The following NDUFV3 variants were observed in gnomAD, a reference collection of about 807,000 sequenced individuals.
NDUFV3 encodes NADH dehydrogenase [ubiquinone] flavoprotein 3, mitochondrial.
NDUFV3 carries 44 observed loss-of-function variants against 37.5 expected under a neutral mutation model. The ratio of observed to expected loss-of-function variants is 1.17; its 90% CI spans 0.92 to 1.51. NDUFV3 has a LOEUF of 1.51. NDUFV3 is among the 40% of genes most tolerant of loss of function. The pLI, the probability that NDUFV3 is intolerant of heterozygous loss-of-function variation, is 0.00. For missense variants in NDUFV3, 580 were observed against 580.4 expected (o/e 1.00, Z 0.01); for synonymous variants, 235 against 239.3 (o/e 0.98, Z 0.17).
chr21:42,900,176 T>C (rs940148427), intron 2 of NDUFV3, among the ~76,000 whole-genome samples: 1 of 151,856 alleles, frequency 6.6e-6, no homozygotes, highest in African/African-American at 2.4e-5. Context: ...CACTCCATCC[T>C]GGGTGATAGA....
rs1219025267 is a variant in NDUFV3, at chr21:42,903,964, G to C, written c.952G>C (p.Ala318Pro). The change falls in exon 3 of 4, where the codon GCA becomes CCA. Residue 318 changes from alanine (A) to proline (P), a missense_variant. Ala to Pro is a conservative substitution (Grantham distance 27, BLOSUM62 -1). Transcript: ENST00000354250. ...TGCTGTGTTGGCAGAAGAGGCCAGA[G>C]CAGAGGGGCAGCTGCAAGCCAGTCC... ...APAVLAEEARAEGQLQASPPG... is the reference protein window; with the variant it reads ...APAVLAEEARPEGQLQASPPG... The C allele has an allele frequency of 6.2e-7, 1 of 1,614,028 alleles. No homozygotes were observed.
chr21:42,903,922 A>C lies in NDUFV3; in HGVS notation c.910A>C (p.Lys304Gln), dbSNP rs986548369. ...AAAATCAGGGTTGTCTGCGCCACCG[A>C]AGGGCAGCCCAGCGCCTGCTGTGTT... The part of the protein sequence containing the change: ...HTKSGLSAPP[K>Q]GSPAPAVLAE... The change falls in exon 3 of 4, where the codon AAG becomes CAG. Residue 304 changes from lysine to glutamine, a missense_variant. Lys to Gln is a moderately conservative substitution (Grantham distance 53). Transcript: ENST00000354250. The C allele has an allele frequency of 1.9e-5, 30 of 1,611,942 alleles. No individual in the cohort carries two copies. Among genetic ancestry groups the C allele is most frequent in the Non-Finnish European group, 2.4e-5 (28 of 1,178,910 alleles).
intron 3 of NDUFV3, chr21:42,906,757 T>G (rs1423785676): frequency 4.5e-6 from 2 of 447,504 alleles, no homozygotes; most frequent in Non-Finnish European, 9.0e-6. Flanking sequence ...GTAGAGTGGT[T>G]TTAGATCAGA....
chr21:42,909,136 CTTTTTTT>C lies in NDUFV3; in HGVS notation c.*132_*138del, dbSNP rs36011300. The C allele has an allele frequency of 3.9e-4, 171 of 434,950 alleles. No individual in the cohort carries two copies. Among genetic ancestry groups the C allele is most frequent in the Non-Finnish European group, 5.1e-4 (131 of 258,156 alleles). 26.9% of individuals were successfully genotyped at this position (434,950 alleles called of 1,614,324 possible). On this transcript the variant is annotated 3_prime_UTR_variant, in exon 4 of 4. Transcript: ENST00000354250. ...TGTGCATAATCGGTTTCACTTTTAC[CTTTTTTT>C]TTTTTTTTTTTTTTTTGAGACAGGG...
At position 42,903,454 on chromosome 21, in the gene NDUFV3, G is replaced by A; in HGVS notation, c.442G>A (p.Val148Met). 1.2e-6 allele frequency: 2 copies of A among 1,614,112 alleles called. No individual in the cohort carries two copies. Among genetic ancestry groups the A allele is most frequent in the Non-Finnish European group, 1.7e-6 (2 of 1,179,950 alleles). Residue 148 changes from valine (V) to methionine (M), a missense_variant, in exon 3 of 4, where the codon GTG becomes ATG. Val to Met is a conservative substitution (Grantham distance 21). Coordinates refer to ENST00000354250, the MANE Select transcript of NDUFV3 (RefSeq NM_021075.4). The stretch of plus-strand genomic sequence containing the variant: ...AGAAGCTCGTCAGGTGGGTCGGAAA[G>A]TGACGTCGCCTTCGTCTTCATCCTC... ...DSEARQVGRKVTSPSSSSSSS... is the reference protein window; with the variant it reads ...DSEARQVGRKMTSPSSSSSSS...
rs147875257 is a variant in NDUFV3 at position 42,906,533 on chromosome 21, G to A, written c.1264+2257G>A. 9.9e-5 allele frequency among the ~76,000 whole-genome samples: 15 copies of A among 152,278 alleles called. No individual in the cohort carries two copies. The East Asian group carries it at 1.9e-3, about 20-fold the overall frequency. On this transcript the variant is annotated intron_variant, in intron 3 of 3. Transcript: ENST00000354250. ...GCTGCTGCTTTCACTCCTCCTGCTC[G>A]AAAATGGAGACGAATAACACAACTC...
intron 2 of NDUFV3, among the ~76,000 whole-genome samples, chr21:42,897,737 C>T (rs371683762): frequency 6.6e-5 from 10 of 151,106 alleles, no homozygotes; most frequent in East Asian, 2.0e-4. Context: ...AGTGCAGTGG[C>T]GCAATCTCGG....
At chr21:42,904,343 T>G (rs2058732561) in intron 3 of NDUFV3, 67 bp downstream of exon 3, 7 of 1,544,068 alleles carry the variant, frequency 4.5e-6, no homozygotes. Flanking sequence ...AGAACTAATT[T>G]ACATATGCTT....
rs2058695956 is a variant in NDUFV3, at chr21:42,897,127, A to G, written c.169+80A>G. ...AGTCAGCCTTCGAAGCACGACAGTG[A>G]GTTTTACTAGCTACGTAATTTATGC... On this transcript the variant is annotated intron_variant, in intron 2 of 3. Coordinates refer to ENST00000354250, the MANE Select transcript of NDUFV3 (RefSeq NM_021075.4). 4.0e-6 allele frequency: 6 copies of G among 1,493,878 alleles called. No individual in the cohort carries two copies. In the East Asian group the frequency reaches 1.2e-4, roughly 30 times the overall value. The allele number at this position is 1,493,878 out of a possible 1,614,324, so 92.5% of individuals were successfully genotyped here. A position where few individuals can be genotyped will look rare whatever the true frequency, so the allele number is the denominator to read the frequency against.
intron 3 of NDUFV3, among the ~76,000 whole-genome samples, chr21:42,904,760 A>C (rs2146162203): frequency 6.6e-6 from 1 of 151,598 alleles, no homozygotes; most frequent in South Asian, 2.1e-4. Flanking sequence ...TGCTGGGATT[A>C]CAGGCATGAG....
rs1201554767 is a variant in NDUFV3 at position 42,903,787 on chromosome 21, T to C, written c.775T>C (p.Leu259=). Residue 259 remains leucine, a synonymous_variant, in exon 3 of 4, where the codon TTG becomes CTG. Transcript: ENST00000354250. ...CAGATCTCAAGTAGATGAAGAGTTTTTGAAGCAAAGTTTAAAGGAAAAACA... is the reference window on the plus strand; with the variant it reads ...CAGATCTCAAGTAGATGAAGAGTTTCTGAAGCAAAGTTTAAAGGAAAAACA... ...MPRSQVDEEF[L]KQSLKEKQLQ... is the part of the protein sequence containing the mutation. 5 of 1,614,186 alleles carry C rather than the reference T, an allele frequency of 3.1e-6. No individual in the cohort carries two copies. Among genetic ancestry groups the C allele is most frequent in the Admixed American group, 1.7e-5 (1 of 60,014 alleles).
rs1014136789 is a variant in NDUFV3 at position 42,911,496 on chromosome 21, G to A, written c.*2475G>A. ...GAGACAGCCTCACTCTTGCCCGGAG[G>A]AGTGGTGCGATCTCAGCTCACTGCA... On this transcript the variant is annotated 3_prime_UTR_variant, in exon 4 of 4. Coordinates refer to ENST00000354250, the MANE Select transcript of NDUFV3 (RefSeq NM_021075.4). The A allele has an allele frequency of 2.9e-5, 4 of 136,724 alleles. No individual in the cohort carries two copies. Among genetic ancestry groups the A allele is most frequent in the Admixed American group, 7.8e-5 (1 of 12,824 alleles). 8.5% of individuals were successfully genotyped at this position (136,724 alleles called of 1,614,324 possible).
chr21:42,902,966 GA>G (rs1473388198), intron 2 of NDUFV3, among the ~76,000 whole-genome samples: 1 of 152,112 alleles, frequency 6.6e-6, no homozygotes, highest in Non-Finnish European at 1.5e-5. Context: ...TAATGTCAAG[GA>G]AAAAAGTTTG....
Position 42,903,183 on chromosome 21 carries a change from T to C in NDUFV3, c.171T>C (p.Asn57=), listed in dbSNP as rs781712280. 4 of 1,614,026 alleles carry C rather than the reference T, an allele frequency of 2.5e-6. No individual in the cohort carries two copies. The East Asian group carries it at 8.9e-5, about 36-fold the overall frequency. The part of the protein sequence containing the change: ...QNSKKQSPPK[N]VVEPKERGKL... The stretch of plus-strand genomic sequence containing the variant: ...ATTCCTCTTTATGCCGTTTCCCAGA[T>C]GTAGTGGAACCAAAGGAGAGGGGCA... Residue 57 remains asparagine (N), a splice_region_variant and synonymous_variant, in exon 3 of 4, where the codon AAT becomes AAC. Coordinates refer to ENST00000354250, the MANE Select transcript of NDUFV3 (RefSeq NM_021075.4).
chr21:42,900,302 G>C (rs2058713158), intron 2 of NDUFV3, among the ~76,000 whole-genome samples: 1 of 152,068 alleles, frequency 6.6e-6, no homozygotes, highest in Admixed American at 6.6e-5. Flanking sequence ...AGGAGTTCGA[G>C]AACAGCCTGG....
At chr21:42,895,439 G>A (rs562141614) in intron 1 of NDUFV3, among the ~76,000 whole-genome samples, 32 of 152,200 alleles carry the variant, frequency 2.1e-4, no homozygotes, top group East Asian at 9.6e-4. Context: ...CCGAGGTTGC[G>A]CCACTGTGCT....
chr21:42,904,705 C>G (rs1281049356), intron 3 of NDUFV3, among the ~76,000 whole-genome samples: 1 of 151,680 alleles, frequency 6.6e-6, no homozygotes. Context: ...AGGCTGGCCT[C>G]GAACTCCTGA....
intron 2 of NDUFV3, 151 bp from the exon 3 acceptor site, chr21:42,903,031 G>A: frequency 9.3e-7 from 1 of 1,069,844 alleles, no homozygotes; most frequent in Non-Finnish European, 1.4e-6. Context: ...ATCCTCAGTT[G>A]GTTGCTTGGT....
chr21:42,901,047 A>C (rs1486198515), intron 2 of NDUFV3, among the ~76,000 whole-genome samples: 4 of 152,154 alleles, frequency 2.6e-5, no homozygotes, highest in Admixed American at 2.6e-4. Context: ...AGCCACAGTT[A>C]ATTATCCATT....
Sources: allele counts gnomAD v4.1 joint callset (sites outside exome capture counted in the v4.1 genomes callset), GRCh38; gene constraint gnomAD v4.1.1; transcripts MANE v1.5; gene names NCBI Gene and HGNC (gene_info 2026-07-23, HGNC 2026-07-21).